Variants in NPIPA9 observed in about 807,000 individuals in gnomAD.
NPIPA9 encodes nuclear pore complex interacting protein family member A9.
chr16:18,364,991 T>C (rs1393634895), intron 4 of NPIPA9, among the ~76,000 whole-genome samples: 3 of 134,594 alleles, frequency 2.2e-5, no homozygotes, highest in Non-Finnish European at 3.1e-5. Flanking sequence ...AAGAATGACA[T>C]GAGGCTGGCA....
intron 4 of NPIPA9, among the ~76,000 whole-genome samples, chr16:18,364,969 A>ACGCACAC (rs58690022): frequency 5.0e-5 from 6 of 119,692 alleles, no homozygotes; most frequent in Admixed American, 1.6e-4. Flanking sequence ...ACACACACAC[A>ACGCACAC]ACACAACACA....
At chr16:18,370,418 CTGAG>C (rs1399669428) in intron 3 of NPIPA9, among the ~76,000 whole-genome samples, 1 of 85,686 alleles carries the variant, frequency 1.2e-5, no homozygotes, top group Admixed American at 1.4e-4. Context: ...AAGACTTCCC[CTGAG>C]TAAGTTCAGA....
chr16:18,365,351 C>T (rs1383334583), intron 4 of NPIPA9, among the ~76,000 whole-genome samples: 2 of 46,950 alleles, frequency 4.3e-5, no homozygotes, highest in African/African-American at 2.3e-4. Context: ...GAGGCCGAGG[C>T]GGGTGAATCA....
chr16:18,364,182 G>C (rs1287028278), intron 6 of NPIPA9, 45 bp downstream of exon 6: 2 of 2,948 alleles, frequency 6.8e-4, no homozygotes, highest in Admixed American at 9.3e-4. Context: ...TACTTTGATT[G>C]GCACATGGTT....
At chr16:18,374,879 G>C (rs1900580227) in exon 2 of NPIPA9, 1 of 511,300 alleles carries the variant, frequency 2.0e-6, no homozygotes, top group African/African-American at 3.5e-5. Context: ...GTCCAGCAAA[G>C]GCCTGCTGAG....
At chr16:18,374,760 C>T in intron 2 of NPIPA9, 72 bp downstream of exon 2, 2 of 428,496 alleles carry the variant, frequency 4.7e-6, no homozygotes, top group South Asian at 2.4e-5. Flanking sequence ...CAAGGACACG[C>T]AGCCCGCACA....
At chr16:18,370,661 C>T (rs1947227055) in intron 3 of NPIPA9, among the ~76,000 whole-genome samples, 1 of 46,906 alleles carries the variant, frequency 2.1e-5, no homozygotes, top group Non-Finnish European at 4.0e-5. Context: ...AAAGCAGACA[C>T]AAAAGAGTAC....
intron 3 of NPIPA9, among the ~76,000 whole-genome samples, chr16:18,371,477 A>AAAAAAAAAAAAAAAAAAAAAAAAG (rs1214808508): frequency 1.6e-5 from 2 of 123,708 alleles, no homozygotes; most frequent in African/African-American, 5.9e-5. Flanking sequence ...AAAAAAAAAA[A>AAAAAAAAAAAAAAAAAAAAAAAAG]GTCATCAAAC....
rs1437014590 is a variant in NPIPA9 at position 18,364,994 on chromosome 16, G to C, written c.193-360C>G. 5.1e-5 allele frequency among the ~76,000 whole-genome samples: 7 copies of C among 136,116 alleles called. 1 individual carries two copies. In the South Asian group the frequency reaches 1.6e-3, roughly 32 times the overall value. 89.3% of individuals were successfully genotyped at this position (136,116 alleles called of 152,430 possible). ...AACACAACACACAAGAATGACATGA[G>C]GCTGGCATGGTGGCTCACTCCTGTA... On this transcript the variant is annotated intron_variant, in intron 4 of 9. Coordinates refer to ENST00000427999, the Ensembl canonical transcript of NPIPA9.
Position 18,371,531 on chromosome 16 carries a change from TTTTG to T in NPIPA9, c.63+1188_63+1191del, listed in dbSNP as rs762695790. Among the ~76,000 whole-genome samples, 58 of 123,990 alleles carry T rather than the reference TTTTG, an allele frequency of 4.7e-4. 4 individuals are homozygous for T. The highest frequency in any genetic ancestry group is 8.6e-5 in the Non-Finnish European group (5 of 58,108). 81.3% of individuals were successfully genotyped at this position (123,990 alleles called of 152,430 possible). A position where few individuals can be genotyped will look rare whatever the true frequency, so the allele number is the denominator to read the frequency against. On this transcript the variant is annotated intron_variant, in intron 3 of 9. Coordinates refer to ENST00000427999, the Ensembl canonical transcript of NPIPA9. ...TGACATTTCACTTTGTTTTGGTCCGTTTTGTTTGTTAGAGACAAGAGTGCAGCGG... is the reference window on the plus strand; with the variant it reads ...TGACATTTCACTTTGTTTTGGTCCGTTTTGTTAGAGACAAGAGTGCAGCGG...
chr16:18,365,211 T>C (rs1289745341), intron 4 of NPIPA9, among the ~76,000 whole-genome samples: 1 of 79,522 alleles, frequency 1.3e-5, no homozygotes, highest in African/African-American at 6.7e-5. Context: ...CAGGAAAAGG[T>C]TGTGTTGAGC....
At chr16:18,374,934 C>T (rs1484381746) in exon 2 of NPIPA9, 1 of 549,388 alleles carries the variant, frequency 1.8e-6, no homozygotes, top group Non-Finnish European at 3.2e-6. Context: ...GGCGGCAGGA[C>T]CCCCAGTAGA....
At chr16:18,370,698 G>T in intron 3 of NPIPA9, among the ~76,000 whole-genome samples, 1 of 103,074 alleles carries the variant, frequency 9.7e-6, no homozygotes, top group Admixed American at 1.1e-4. Flanking sequence ...ATCTGTATAC[G>T]CGAAATTCCA....
chr16:18,364,975 A>C (rs868814841), intron 4 of NPIPA9, among the ~76,000 whole-genome samples: 192 of 131,230 alleles, frequency 1.5e-3, no homozygotes, highest in South Asian at 2.2e-3. Flanking sequence ...ACACAACACA[A>C]CACACAAGAA....
chr16:18,364,925 A>C (rs1900487648), intron 4 of NPIPA9, among the ~76,000 whole-genome samples: 1 of 60,362 alleles, frequency 1.7e-5, no homozygotes, highest in South Asian at 6.3e-4. Flanking sequence ...TGAGTGACAG[A>C]ATGAGACTCT....
At position 18,375,095 on chromosome 16, in the gene NPIPA9, G is replaced by A. The variant is rs879632563; in HGVS notation, c.-307-26C>T. 2.4e-4 allele frequency: 179 copies of A among 747,952 alleles called. 27 individuals carry two copies. Among genetic ancestry groups the A allele is most frequent in the East Asian group, 1.4e-3 (44 of 32,038 alleles). 46.3% of individuals were successfully genotyped at this position (747,952 alleles called of 1,614,324 possible). ...CTGCAGGACAAGGGCAGTGGTCAGC[G>A]GGCGGCAGCTCAGACCTGCTCAGGA... On this transcript the variant is annotated intron_variant, in intron 1 of 9. Coordinates refer to ENST00000427999, the Ensembl canonical transcript of NPIPA9.
intron 3 of NPIPA9, among the ~76,000 whole-genome samples, chr16:18,370,244 C>A (rs1268096699): frequency 7.9e-6 from 1 of 126,056 alleles, no homozygotes; most frequent in South Asian, 2.7e-4. Flanking sequence ...GAGCCAAGAT[C>A]GCACCACTGC....
chr16:18,371,583 G>A (rs1596823358), intron 3 of NPIPA9, among the ~76,000 whole-genome samples: 2 of 100,874 alleles, frequency 2.0e-5, no homozygotes, highest in South Asian at 3.4e-4. Flanking sequence ...TCACTGCAAC[G>A]TCCAGCTCCT....
chr16:18,372,137 G>A, intron 3 of NPIPA9: 1 of 63,762 alleles, frequency 1.6e-5, no homozygotes, highest in Non-Finnish European at 2.9e-5. Context: ...GGAGGGGAGG[G>A]GGAGGGGAAG....
Sources: gnomAD v4.1 joint callset for allele counts (sites outside exome capture counted in the v4.1 genomes callset) on GRCh38, gnomAD v4.1.1 for gene constraint, MANE v1.5 for transcripts, NCBI Gene and HGNC (gene_info 2026-07-23, HGNC 2026-07-21) for gene names.